Variants in PIGS observed in about 807,000 individuals in gnomAD.
The protein encoded by PIGS is phosphatidylinositol glycan anchor biosynthesis class S, also known as GPI-anchor transamidase component PIGS.
PIGS carries 37 observed loss-of-function variants against 58.2 expected under a neutral mutation model. The ratio of observed to expected loss-of-function variants is 0.64; its 90% CI spans 0.49 to 0.84. The LOEUF is 0.84. Among genes scored for constraint, PIGS ranks in the 40% least tolerant of loss-of-function variants. The probability of loss-of-function intolerance (pLI) is 0.00; values close to 1 mark genes in which losing one functional copy is unlikely to be tolerated. For missense variants in PIGS, 629 were observed against 710.8 expected (o/e 0.88, Z 1.31); for synonymous variants, 269 against 289.2 (o/e 0.93, Z 0.71).
Position 28,554,432 on chromosome 17 carries a change from A to G in PIGS, c.1456T>C (p.Ser486Pro). The change falls in exon 12 of 12, where the codon TCT becomes CCT. Residue 486 changes from serine to proline, a missense_variant. Physicochemically the swap from Ser to Pro is moderately conservative, Grantham distance 74 (BLOSUM62 -1). Transcript: ENST00000308360. ...GCTTCCTGGCTGGCGACAAAGGCAG[A>G]TGCCAGGTGCCCAGACGCCAACTCT... ...AEELASGHLASAFVASQEAVT... is the reference protein window; with the variant it reads ...AEELASGHLAPAFVASQEAVT... 2 of 1,614,204 alleles carry G rather than the reference A, an allele frequency of 1.2e-6. No homozygotes were observed. Among genetic ancestry groups the G allele is most frequent in the Non-Finnish European group, 1.7e-6 (2 of 1,180,036 alleles).
Position 28,570,760 on chromosome 17 carries a change from C to T in PIGS, c.286+92G>A. The T allele has an allele frequency of 3.2e-6, 4 of 1,236,468 alleles. No individual in the cohort carries two copies. In the South Asian group the frequency reaches 3.7e-5, roughly 11 times the overall value. 76.6% of individuals were successfully genotyped at this position (1,236,468 alleles called of 1,614,324 possible). ...AGGTCTTTCAACAGTAAGTTTTTAA[C>T]TGCGTTTATGGTACACCCCCGCTCC... On this transcript the variant is annotated intron_variant, in intron 3 of 11. Transcript: ENST00000308360.
rs114960881 is a variant in PIGS, at chr17:28,564,061, T to A, written c.287-154A>T. ...GCAGCCAACTCTAATGATTTCTGCA[T>A]AGATGATATCAAACACATGACACCC... On this transcript the variant is annotated intron_variant, in intron 3 of 11. Coordinates refer to ENST00000308360, the MANE Select transcript of PIGS (RefSeq NM_033198.4). 1.3e-3 allele frequency among the ~76,000 whole-genome samples: 197 copies of A among 152,328 alleles called. 1 individual carries two copies. Among genetic ancestry groups the A allele is most frequent in the African/African-American group, 4.6e-3 (193 of 41,578 alleles).
In PIGS at chr17:28,555,066, AG is replaced by A. The variant is rs751738133; in HGVS notation, c.1182-6del. The A allele has an allele frequency of 6.2e-7, 1 of 1,610,066 alleles. No individual in the cohort carries two copies. The highest frequency in any genetic ancestry group is 2.2e-5 in the East Asian group (1 of 44,740). ...TGAGCAATCCCAAAGAGCAACCTGT[AG>A]GAACATCGGAGTAAGATCAAGGTGG... On this transcript the variant is annotated splice_polypyrimidine_tract_variant and splice_region_variant and intron_variant, in intron 10 of 11. Coordinates refer to ENST00000308360, the MANE Select transcript of PIGS (RefSeq NM_033198.4).
At chr17:28,569,466 C>T (rs1471522886) in intron 3 of PIGS, among the ~76,000 whole-genome samples, 8 of 148,734 alleles carry the variant, frequency 5.4e-5, no homozygotes, top group African/African-American at 2.0e-4. Context: ...CAAAGAGAGA[C>T]CCTTTCTCAA....
chr17:28,559,774 G>A (rs1278845272), intron 7 of PIGS, among the ~76,000 whole-genome samples: 2 of 151,744 alleles, frequency 1.3e-5, no homozygotes, highest in Non-Finnish European at 2.9e-5. Context: ...CAGGTCTAGA[G>A]GGAGCTATAG....
chr17:28,560,422 T>C (rs1376637355), intron 6 of PIGS: 2 of 482,012 alleles, frequency 4.1e-6, no homozygotes, highest in South Asian at 2.5e-5. Flanking sequence ...GGCAGACGGA[T>C]CACTTGAGGC....
At chr17:28,565,449 A>G (rs1025409147) in intron 3 of PIGS, among the ~76,000 whole-genome samples, 3 of 152,228 alleles carry the variant, frequency 2.0e-5, no homozygotes, top group Non-Finnish European at 4.4e-5. Flanking sequence ...TAATATATAC[A>G]TGTAAGGCAA....
intron 3 of PIGS, among the ~76,000 whole-genome samples, chr17:28,569,024 G>A (rs946013140): frequency 6.6e-6 from 1 of 151,050 alleles, no homozygotes; most frequent in Non-Finnish European, 1.5e-5. Context: ...TTGAACCCAG[G>A]AGGCAGAGGT....
chr17:28,560,738 A>T (rs2070358685), intron 6 of PIGS, among the ~76,000 whole-genome samples: 1 of 152,138 alleles, frequency 6.6e-6, no homozygotes, highest in Non-Finnish European at 1.5e-5. Context: ...AGATCACGTC[A>T]CTGCACTCCA....
intron 1 of PIGS, 121 bp from the exon 2 acceptor site, chr17:28,571,309 C>A: frequency 1.3e-6 from 2 of 1,510,854 alleles, no homozygotes; most frequent in Admixed American, 2.1e-5. Context: ...GATCTCCGTG[C>A]GAAGGGACCC....
At chr17:28,568,864 G>C (rs1379141141) in intron 3 of PIGS, among the ~76,000 whole-genome samples, 3 of 151,104 alleles carry the variant, frequency 2.0e-5, no homozygotes, top group Non-Finnish European at 3.0e-5. Flanking sequence ...GGGAGGCCGA[G>C]GCTGGTGGAT....
rs367985095 is a variant in PIGS at position 28,571,185 on chromosome 17, A to T, written c.38T>A (p.Val13Glu). 80 of 1,612,546 alleles carry T rather than the reference A, an allele frequency of 5.0e-5. No homozygotes were observed. Among genetic ancestry groups the T allele is most frequent in the Non-Finnish European group, 2.2e-5 (26 of 1,179,696 alleles). The stretch of plus-strand genomic sequence containing the variant: ...GAGGGCGGCGCGCTTGCCCCGGGCC[A>T]CCTCTGAGGGCATGGGGAACCGACT... ...AAGAAATHLE[V>E]ARGKRAALFF... Residue 13 changes from valine to glutamate, a missense_variant, in exon 2 of 12, where the codon GTG becomes GAG. Coordinates refer to ENST00000308360, the MANE Select transcript of PIGS (RefSeq NM_033198.4).
intron 8 of PIGS, 60 bp from the exon 9 acceptor site, chr17:28,557,032 G>A: frequency 1.3e-6 from 2 of 1,598,100 alleles, no homozygotes; most frequent in South Asian, 2.2e-5. Flanking sequence ...TTAGTCCCAG[G>A]TCGGCCTCTA....
Position 28,560,194 on chromosome 17 carries a change from A to G in PIGS, c.677-3T>C. The G allele has an allele frequency of 6.2e-7, 1 of 1,610,408 alleles. No homozygotes were observed. Among genetic ancestry groups the G allele is most frequent in the Non-Finnish European group, 8.5e-7 (1 of 1,178,658 alleles). On this transcript the variant is annotated splice_region_variant and splice_polypyrimidine_tract_variant and intron_variant, in intron 6 of 11. Transcript: ENST00000308360. Reference sequence around the variant, plus strand: ...TAAACTGAAGGTGATCTCATAGCCTACAGAAACAGGAGTCAGGGAAGTCAG... The same window carrying G: ...TAAACTGAAGGTGATCTCATAGCCTGCAGAAACAGGAGTCAGGGAAGTCAG...
chr17:28,557,550 C>A, intron 8 of PIGS: 1 of 155,402 alleles, frequency 6.4e-6, no homozygotes. Context: ...TTTCTCTACT[C>A]AGCACTGTCA....
At chr17:28,565,710 G>A (rs2070390035) in intron 3 of PIGS, among the ~76,000 whole-genome samples, 1 of 152,108 alleles carries the variant, frequency 6.6e-6, no homozygotes. Flanking sequence ...GGAACACAGT[G>A]AGACCCCGTC....
intron 8 of PIGS, among the ~76,000 whole-genome samples, chr17:28,557,980 G>T (rs547983671): frequency 6.6e-5 from 10 of 152,310 alleles, no homozygotes; most frequent in African/African-American, 2.4e-4. Context: ...TATGATAGGT[G>T]TGAAGATGGA....
chr17:28,570,770 G>T, intron 3 of PIGS, 82 bp downstream of exon 3: 1 of 1,335,788 alleles, frequency 7.5e-7, no homozygotes, highest in South Asian at 1.2e-5. Flanking sequence ...CTGCGTTTAT[G>T]GTACACCCCC....
intron 10 of PIGS, chr17:28,555,944 G>A: frequency 2.1e-6 from 1 of 479,714 alleles, no homozygotes; most frequent in Non-Finnish European, 3.8e-6. Context: ...ACTCCGGCCT[G>A]GGCAACAGAG....
Sources: gnomAD v4.1 joint callset for allele counts (sites outside exome capture counted in the v4.1 genomes callset) on GRCh38, gnomAD v4.1.1 for gene constraint, MANE v1.5 for transcripts, NCBI Gene and HGNC (gene_info 2026-07-23, HGNC 2026-07-21) for gene names.